GRM5: variants seen among roughly 807,000 people sequenced by gnomAD.
GRM5 encodes the protein glutamate metabotropic receptor 5.
GRM5 carries 19 observed loss-of-function variants against 83.1 expected under a neutral mutation model. The ratio of observed to expected loss-of-function variants is 0.23; its 90% CI spans 0.16 to 0.34. The LOEUF is 0.34. GRM5 is among the 10% of genes least tolerant of loss of function. The pLI, the probability that GRM5 is intolerant of heterozygous loss-of-function variation, is 1.00. For missense variants in GRM5, 1,160 were observed against 1,588.3 expected, an observed-to-expected ratio of 0.73 and a Z score of 4.58; for synonymous variants, 675 against 633.6, an observed-to-expected ratio of 1.07 and a Z score of -0.98.
chr11:88,756,285 G>C (rs1942392456), intron 3 of GRM5, among the ~76,000 whole-genome samples: 1 of 152,240 alleles, frequency 6.6e-6, no homozygotes, highest in African/African-American at 2.4e-5. Context: ...CAAATTTACA[G>C]ATGACAGACT....
At chr11:88,798,977 A>C (rs1943339054) in intron 3 of GRM5, among the ~76,000 whole-genome samples, 1 of 152,014 alleles carries the variant, frequency 6.6e-6, no homozygotes, top group Admixed American at 6.6e-5. Flanking sequence ...TAAAGAAAAA[A>C]TAAAAGCTTT....
At chr11:88,622,382 C>T (rs542139123) in intron 4 of GRM5, among the ~76,000 whole-genome samples, 1 of 152,332 alleles carries the variant, frequency 6.6e-6, no homozygotes, top group Non-Finnish European at 1.5e-5. Context: ...ACTCTTTCAA[C>T]TATGCTATCT....
At chr11:88,973,321 C>T (rs1040769916) in intron 2 of GRM5, among the ~76,000 whole-genome samples, 6 of 152,170 alleles carry the variant, frequency 3.9e-5, no homozygotes, top group African/African-American at 1.4e-4. Flanking sequence ...GAAACCTACA[C>T]CTGTTTAAGT....
intron 3 of GRM5, among the ~76,000 whole-genome samples, chr11:88,772,996 C>G (rs1942772325): frequency 6.6e-6 from 1 of 152,168 alleles, no homozygotes; most frequent in Non-Finnish European, 1.5e-5. Flanking sequence ...AATGATAACT[C>G]TAGTTCTAGA....
At chr11:88,651,460 A>C (rs1172541832) in intron 4 of GRM5, among the ~76,000 whole-genome samples, 1 of 152,060 alleles carries the variant, frequency 6.6e-6, no homozygotes, top group Non-Finnish European at 1.5e-5. Flanking sequence ...ATAATTATAC[A>C]AACATAGAAT....
chr11:89,047,215 C>A lies in GRM5; in HGVS notation c.658G>T (p.Glu220Ter), dbSNP rs2135150768. Reference protein sequence around the residue: ...NWTYVSAVHTEGNYGESGMEA... With the variant: ...NWTYVSAVHT Reference sequence around the variant, plus strand: ...GATGTATGCAAAGGAAACTTACCTTCTGTGTGCACGGCTGATACATAGGTC... The same window carrying A: ...GATGTATGCAAAGGAAACTTACCTTATGTGTGCACGGCTGATACATAGGTC... The change falls in exon 2 of 10, where the codon GAA becomes TAA. Residue 220 changes from glutamate (E) to a stop codon, truncating the protein, a stop_gained. Transcript: ENST00000305447. LOFTEE classifies it high-confidence loss of function. This position sits in a 1 kb window ranked among gnomAD's most constrained non-coding sequence, Gnocchi z 5.1. The A allele has an allele frequency of 6.2e-7, 1 of 1,601,436 alleles. No individual in the cohort carries two copies. The highest frequency in any genetic ancestry group is 8.5e-7 in the Non-Finnish European group (1 of 1,171,636).
intron 2 of GRM5, among the ~76,000 whole-genome samples, chr11:88,981,024 A>AT (rs1327898975): frequency 3.3e-5 from 5 of 151,386 alleles, no homozygotes; most frequent in Middle Eastern, 3.4e-3. Context: ...AAAAAAAATG[A>AT]GTTTTTTAAA....
chr11:88,771,367 G>A lies in GRM5; in HGVS notation c.911+78539C>T, dbSNP rs991889924. Among the ~76,000 whole-genome samples the A allele has an allele frequency of 7.2e-5, 11 of 152,198 alleles. No individual in the cohort carries two copies. In the South Asian group the frequency reaches 1.2e-3, roughly 17 times the overall value. On this transcript the variant is annotated intron_variant, in intron 3 of 9. Transcript: ENST00000305447. ...TCTAAGTCCAACAGCCTAAAAGTACGGAAACTGACAATGGAGCCTTCATTC... is the reference window on the plus strand; with the variant it reads ...TCTAAGTCCAACAGCCTAAAAGTACAGAAACTGACAATGGAGCCTTCATTC...
chr11:88,810,834 G>A (rs1371972010), intron 3 of GRM5, among the ~76,000 whole-genome samples: 1 of 152,194 alleles, frequency 6.6e-6, no homozygotes, highest in East Asian at 1.9e-4. Flanking sequence ...GTCCAAAGAG[G>A]AAGTCAATAT....
intron 8 of GRM5, among the ~76,000 whole-genome samples, chr11:88,565,638 TG>T (rs1313436694): frequency 1.3e-5 from 2 of 152,200 alleles, no homozygotes; most frequent in Non-Finnish European, 2.9e-5. Context: ...AGAAAAAGAA[TG>T]GTTCATACAG....
chr11:88,568,337 C>CT (rs1235353771), intron 7 of GRM5, among the ~76,000 whole-genome samples: 7 of 152,138 alleles, frequency 4.6e-5, no homozygotes, highest in Non-Finnish European at 1.0e-4. Context: ...TAAGCAGTCT[C>CT]TTGAAGCAGC....
chr11:88,645,449 T>C (rs575201140), intron 4 of GRM5, among the ~76,000 whole-genome samples: 2 of 152,238 alleles, frequency 1.3e-5, no homozygotes, highest in African/African-American at 4.8e-5. Context: ...TAACTGGGCA[T>C]GCAATTTTAA....
chr11:88,590,189 T>C (rs1164628131), intron 7 of GRM5, among the ~76,000 whole-genome samples: 1 of 152,228 alleles, frequency 6.6e-6, no homozygotes, highest in Non-Finnish European at 1.5e-5. Flanking sequence ...AAAAGAACTT[T>C]AGATGACATT....
chr11:88,585,478 C>A (rs1451554978), intron 7 of GRM5, among the ~76,000 whole-genome samples: 1 of 152,032 alleles, frequency 6.6e-6, no homozygotes, highest in African/African-American at 2.4e-5. Context: ...AAAATATTTA[C>A]CATAGTTTAC....
intron 3 of GRM5, among the ~76,000 whole-genome samples, chr11:88,729,175 A>C (rs1463769085): frequency 1.3e-5 from 2 of 152,206 alleles, no homozygotes; most frequent in African/African-American, 4.8e-5. Flanking sequence ...ACTTCAGCAA[A>C]ATCTCAGGAT....
At chr11:88,635,743 C>G (rs1273750956) in intron 4 of GRM5, among the ~76,000 whole-genome samples, 1 of 152,006 alleles carries the variant, frequency 6.6e-6, no homozygotes, top group African/African-American at 2.4e-5. Flanking sequence ...GTCATACCCC[C>G]CAAAAAATCA....
At chr11:88,994,478 TATATATA>T (rs2135055853) in intron 2 of GRM5, among the ~76,000 whole-genome samples, 1 of 138,898 alleles carries the variant, frequency 7.2e-6, no homozygotes, top group African/African-American at 2.8e-5. Flanking sequence ...TATATATATA[TATATATA>T]TTACAATTGC....
intron 7 of GRM5, among the ~76,000 whole-genome samples, chr11:88,585,524 T>C (rs1943295746): frequency 6.6e-6 from 1 of 152,206 alleles, no homozygotes; most frequent in South Asian, 2.1e-4. Flanking sequence ...CTTTCTTGTC[T>C]CATTTCTCCC....
At chr11:88,665,162 T>TACACACACACACACATACACAC (rs1554990145) in intron 3 of GRM5, among the ~76,000 whole-genome samples, 1 of 140,910 alleles carries the variant, frequency 7.1e-6, no homozygotes, top group Non-Finnish European at 1.6e-5. Flanking sequence ...TTAATTTATT[T>TACACACACACACACATACACAC]ACACACACAC....
Sources: allele counts gnomAD v4.1 joint callset (sites outside exome capture counted in the v4.1 genomes callset), GRCh38; gene constraint gnomAD v4.1.1; non-coding constraint Gnocchi (gnomAD v3.1); transcripts MANE v1.5; gene names NCBI Gene and HGNC (gene_info 2026-07-23, HGNC 2026-07-21).